The following PCDH19 variants were observed in gnomAD, a reference collection of about 807,000 sequenced individuals.
The protein encoded by PCDH19 is protocadherin 19, also known as protocadherin-19.
PCDH19 carries 6 observed loss-of-function variants against 46.2 expected under a neutral mutation model. The observed-to-expected ratio is 0.13, with a 90% CI of 0.07 to 0.26. The LOEUF is 0.26. Among genes scored for constraint, PCDH19 ranks in the 10% least tolerant of loss-of-function variants. The pLI is 1.00. For missense variants in PCDH19, 740 were observed against 972.3 expected, an observed-to-expected ratio of 0.76 and a Z score of 3.18; for synonymous variants, 481 against 415.7, an observed-to-expected ratio of 1.16 and a Z score of -1.91.
chrX:100,359,997 G>T (rs2147499984), intron 3 of PCDH19, among the ~76,000 whole-genome samples: 1 of 111,277 alleles, frequency 9.0e-6, no homozygotes, highest in East Asian at 2.8e-4. Flanking sequence ...TCAGTTCTCT[G>T]CCACTTACCA....
At chrX:100,329,769 G>A (rs779934694) in intron 5 of PCDH19, among the ~76,000 whole-genome samples, 3 of 110,742 alleles carry the variant, frequency 2.7e-5, no homozygotes, top group Non-Finnish European at 5.7e-5. Context: ...AAAATTAGCC[G>A]GGCGTGGTGG....
chrX:100,363,745 A>AATATATATTATT (rs1926981439), intron 3 of PCDH19, among the ~76,000 whole-genome samples: 1 of 99,026 alleles, frequency 1.0e-5, no homozygotes, highest in Non-Finnish European at 2.0e-5. Context: ...TATATAAATA[A>AATATATATTATT]TATATATATA....
chrX:100,328,949 G>T (rs925875229), intron 5 of PCDH19, among the ~76,000 whole-genome samples: 2 of 111,743 alleles, frequency 1.8e-5, no homozygotes, highest in Non-Finnish European at 3.8e-5. Context: ...AACACCAAAA[G>T]GTTAATAAGA....
chrX:100,321,475 G>GGTGGTAC (rs1925474701), intron 5 of PCDH19, among the ~76,000 whole-genome samples: 2 of 111,947 alleles, frequency 1.8e-5, no homozygotes, highest in Admixed American at 1.9e-4. Context: ...GCAGGAGTAA[G>GGTGGTAC]GTGGTACCGC....
At position 100,371,015 on chromosome X, in the gene PCDH19, GT is replaced by G. The variant is rs1271011192; in HGVS notation, c.2617-20312del. 9.4e-4 allele frequency among the ~76,000 whole-genome samples: 103 copies of G among 110,126 alleles called. 1 individual carries two copies. In the East Asian group the frequency reaches 0.026, roughly 28 times the overall value. ...TGCATGTGTGTGTGTGTGTGTGTGTGTGTGTGTGTGGGTGTGTGTGTATGCA... is the reference window on the plus strand; with the variant it reads ...TGCATGTGTGTGTGTGTGTGTGTGTGGTGTGTGTGGGTGTGTGTGTATGCA... On this transcript the variant is annotated intron_variant, in intron 3 of 5. Coordinates refer to ENST00000373034, the MANE Select transcript of PCDH19 (RefSeq NM_001184880.2).
chrX:100,392,647 T>C (rs1022911231), intron 3 of PCDH19, among the ~76,000 whole-genome samples: 1 of 111,507 alleles, frequency 9.0e-6, no homozygotes, highest in Non-Finnish European at 1.9e-5. Context: ...ATGCCAGTCT[T>C]ATGAGTGCAG....
At chrX:100,369,670 C>CT (rs1927164143) in intron 3 of PCDH19, among the ~76,000 whole-genome samples, 2 of 112,226 alleles carry the variant, frequency 1.8e-5, no homozygotes, top group South Asian at 7.5e-4. Context: ...CTTCATACAA[C>CT]TTTTTGCCTC....
chrX:100,312,139 G>C (rs780193176), intron 5 of PCDH19, among the ~76,000 whole-genome samples: 4 of 110,437 alleles, frequency 3.6e-5, no homozygotes, highest in Admixed American at 9.7e-5. Flanking sequence ...AAGAGAGAAA[G>C]AGAGTGAGAG....
chrX:100,350,593 T>C (rs1485649384), intron 4 of PCDH19, 53 bp downstream of exon 4: 4 of 885,411 alleles, frequency 4.5e-6, no homozygotes, highest in Non-Finnish European at 3.3e-6. Context: ...CTGTTTTGCT[T>C]TTTAATGTTA....
intron 5 of PCDH19, among the ~76,000 whole-genome samples, chrX:100,312,141 G>A (rs1270591126): frequency 1.8e-5 from 2 of 110,390 alleles, no homozygotes; most frequent in African/African-American, 6.6e-5. Flanking sequence ...GAGAGAAAGA[G>A]AGTGAGAGTA....
Position 100,296,731 on chromosome X carries a change from G to A in PCDH19, c.2993C>T (p.Thr998Ile). Reference sequence around the variant, plus strand: ...GTCATAAGCCTCGACATCAGCAGCAGTAGCTTCAATAGACAGCGCGATGAT... The same window carrying A: ...GTCATAAGCCTCGACATCAGCAGCAATAGCTTCAATAGACAGCGCGATGAT... ...RNIIALSIEA[T>I]AADVEAYDDC... is the part of the protein sequence containing the mutation. Residue 998 changes from threonine to isoleucine, a missense_variant, in exon 6 of 6, where the codon ACT (threonine) becomes ATT (isoleucine). Coordinates refer to ENST00000373034, the MANE Select transcript of PCDH19 (RefSeq NM_001184880.2). 8.3e-7 allele frequency: 1 copy of A among 1,211,616 alleles called. No homozygotes were observed. Among genetic ancestry groups the A allele is most frequent in the South Asian group, 1.8e-5 (1 of 56,972 alleles).
At chrX:100,347,301 C>T (rs896050756) in intron 4 of PCDH19, among the ~76,000 whole-genome samples, 13 of 111,047 alleles carry the variant, frequency 1.2e-4, no homozygotes, top group African/African-American at 4.3e-4. Context: ...ATTGTCTCTG[C>T]TCCCTTCCTC....
chrX:100,333,181 G>GCGAA (rs1925954766), intron 5 of PCDH19, among the ~76,000 whole-genome samples: 1 of 62,490 alleles, frequency 1.6e-5, no homozygotes, highest in Non-Finnish European at 3.0e-5. Context: ...AAGGGAGAGA[G>GCGAA]AGAGAAAGAA....
At position 100,409,206 on chromosome X, in the gene PCDH19, C is replaced by T. The variant is rs941733657; in HGVS notation, c.-609G>A. The T allele has an allele frequency of 1.2e-3, 135 of 112,780 alleles. No individual in the cohort carries two copies. The highest frequency in any genetic ancestry group is 2.2e-3 in the Non-Finnish European group (115 of 53,187). The allele number at this position is 112,780 out of a possible 1,213,427, so 9.3% of individuals were successfully genotyped here. A position where few individuals can be genotyped will look rare whatever the true frequency, so the allele number is the denominator to read the frequency against. On this transcript the variant is annotated 5_prime_UTR_variant, in exon 1 of 6. Transcript: ENST00000373034. The stretch of plus-strand genomic sequence containing the variant: ...GGGTCTGGGGGGGCCACACTGGCCT[C>T]TTCGAGGCCTGTTCGGGAGAAAGGG...
chrX:100,324,949 T>TAA (rs1925635140), intron 5 of PCDH19, among the ~76,000 whole-genome samples: 1 of 111,010 alleles, frequency 9.0e-6, no homozygotes, highest in African/African-American at 3.3e-5. Context: ...ACTGGACAAG[T>TAA]AACTTGTTTA....
In PCDH19 at chrX:100,405,562, TC is replaced by T. The variant is rs376813599; in HGVS notation, c.2147+888del. ...CCCCTTCTATCCCTCTCTCTCTCCC[TC>T]CCCCCCCCATACACACACAGACACA... On this transcript the variant is annotated intron_variant, in intron 1 of 5. Coordinates refer to ENST00000373034, the MANE Select transcript of PCDH19 (RefSeq NM_001184880.2). 3.7e-3 allele frequency among the ~76,000 whole-genome samples: 213 copies of T among 58,206 alleles called. 1 individual carries two copies. The highest frequency in any genetic ancestry group is 9.3e-3 in the African/African-American group (133 of 14,370). 50.5% of individuals were successfully genotyped at this position (58,206 alleles called of 115,157 possible).
Position 100,406,595 on chromosome X carries a change from G to A in PCDH19, c.2003C>T (p.Ala668Val). ...VLIYLSPALD[A>V]QESMGSVNLS... ...GTTCACAGAGCCCATTGACTCTTGG[G>A]CATCGAGAGCAGGGGACAAGTAGAT... Residue 668 changes from alanine to valine, a missense_variant, in exon 1 of 6, where the codon GCC becomes GTC. By Grantham distance (64) the Ala-to-Val change is moderately conservative. Transcript: ENST00000373034. The A allele has an allele frequency of 8.3e-7, 1 of 1,210,762 alleles. No homozygotes were observed. Among genetic ancestry groups the A allele is most frequent in the Non-Finnish European group, 1.1e-6 (1 of 894,871 alleles).
intron 5 of PCDH19, among the ~76,000 whole-genome samples, chrX:100,333,139 A>T (rs1479949319): frequency 2.3e-5 from 1 of 43,135 alleles, no homozygotes; most frequent in African/African-American, 7.0e-5. Context: ...GGAAGGAAGG[A>T]AGGAAGGAAG....
chrX:100,401,017 C>T (rs1294065657), intron 3 of PCDH19, among the ~76,000 whole-genome samples: 1 of 111,350 alleles, frequency 9.0e-6, no homozygotes, highest in Admixed American at 9.5e-5. Flanking sequence ...CATCTCTGGA[C>T]CTCTGTTTCA....
Sources: gnomAD v4.1 joint callset for allele counts (sites outside exome capture counted in the v4.1 genomes callset) on GRCh38, gnomAD v4.1.1 for gene constraint, MANE v1.5 for transcripts, NCBI Gene and HGNC (gene_info 2026-07-23, HGNC 2026-07-21) for gene names.